CBR1: variants seen among roughly 807,000 people sequenced by gnomAD.
CBR1 encodes carbonyl reductase [NADPH] 1.
Under a neutral mutation model 10.6 loss-of-function variants are expected in CBR1, and 11 were observed. The ratio of observed to expected loss-of-function variants is 1.03; its 90% CI spans 0.65 to 1.71. The LOEUF (loss-of-function observed/expected upper bound fraction) is 1.71. Among genes scored for constraint, CBR1 ranks in the 40% most tolerant of loss-of-function variants. The pLI, the probability that CBR1 is intolerant of heterozygous loss-of-function variation, is 0.00. For missense variants in CBR1, 361 were observed against 368.6 expected, an observed-to-expected ratio of 0.98 and a Z score of 0.17; for synonymous variants, 158 against 156.7, an observed-to-expected ratio of 1.01 and a Z score of -0.06.
Position 36,070,872 on chromosome 21 carries a change from T to TGG in CBR1, c.290-78_290-77insGG. Reference sequence around the variant, plus strand: ...CACTAAGTTTTTTTTTTTTTTTTTTTTTTTTTTTAGTATCATTGTATAGAA... The same window carrying TGG: ...CACTAAGTTTTTTTTTTTTTTTTTTTGGTTTTTTTTAGTATCATTGTATAGAA... On this transcript the variant is annotated intron_variant, in intron 1 of 2. Coordinates refer to ENST00000290349, the MANE Select transcript of CBR1 (RefSeq NM_001757.4). 7 of 864,878 alleles carry TGG rather than the reference T, an allele frequency of 8.1e-6. 1 individual carries two copies. The South Asian group carries it at 9.0e-5, about 11-fold the overall frequency. 53.6% of individuals were successfully genotyped at this position (864,878 alleles called of 1,614,324 possible).
At position 36,073,054 on chromosome 21, in the gene CBR1, G is replaced by A. The variant is rs540101066; in HGVS notation, c.*172G>A. 1.3e-5 allele frequency: 6 copies of A among 465,500 alleles called. No homozygotes were observed. Among genetic ancestry groups the A allele is most frequent in the African/African-American group, 3.9e-5 (2 of 50,646 alleles). The allele number at this position is 465,500 out of a possible 1,614,324, so 28.8% of individuals were successfully genotyped here. ...GCAACCTACGCACTCAGTTGACTAC[G>A]TAAATCTGTCAGGTCTTTTGTGATT... On this transcript the variant is annotated 3_prime_UTR_variant, in exon 3 of 3. Transcript: ENST00000290349.
At chr21:36,071,588 A>C in intron 2 of CBR1, 1 of 576,716 alleles carries the variant, frequency 1.7e-6, no homozygotes. Flanking sequence ...CCTTTTCCCT[A>C]AGTCGTTTGG....
intron 2 of CBR1, chr21:36,071,357 C>A: frequency 3.3e-6 from 2 of 614,346 alleles, no homozygotes; most frequent in Non-Finnish European, 5.8e-6. Context: ...CTCCATTCCC[C>A]TCTGCGTGGG....
At chr21:36,071,109 C>T in intron 2 of CBR1, 52 bp downstream of exon 2, 1 of 1,228,952 alleles carries the variant, frequency 8.1e-7, no homozygotes, top group East Asian at 2.3e-5. Context: ...GATTTGGCCC[C>T]TGCTTGCCTG....
At position 36,072,470 on chromosome 21, in the gene CBR1, T is replaced by C. The variant is rs763204071; in HGVS notation, c.422T>C (p.Ile141Thr). Residue 141 changes from isoleucine (I) to threonine (T), a missense_variant, in exon 3 of 3, where the codon ATC becomes ACC. Ile to Thr is a moderately conservative substitution (Grantham distance 89). Transcript: ENST00000290349. ...PQGRVVNVSSIMSVRALKSCS... is the reference protein window; with the variant it reads ...PQGRVVNVSSTMSVRALKSCS... ...GGGAGAGTGGTGAACGTATCTAGCATCATGAGCGTCAGAGCCCTTAAAAGC... is the reference window on the plus strand; with the variant it reads ...GGGAGAGTGGTGAACGTATCTAGCACCATGAGCGTCAGAGCCCTTAAAAGC... The C allele has an allele frequency of 8.7e-6, 14 of 1,613,996 alleles. No individual in the cohort carries two copies. Among genetic ancestry groups the C allele is most frequent in the South Asian group, 2.2e-5 (2 of 91,086 alleles).
intron 2 of CBR1, 62 bp downstream of exon 2, chr21:36,071,119 G>GCAGGAGAAATCCCAGGCAA: frequency 1.8e-6 from 2 of 1,114,382 alleles, no homozygotes; most frequent in Non-Finnish European, 1.4e-6. Flanking sequence ...CTGCTTGCCT[G>GCAGGAGAAATCCCAGGCAA]GGATTTCTCC....
At chr21:36,070,477 A>G in intron 1 of CBR1, 73 bp downstream of exon 1, 1 of 1,442,062 alleles carries the variant, frequency 6.9e-7, no homozygotes, top group Non-Finnish European at 9.3e-7. Context: ...CGGGGTCCAT[A>G]ACGCCTCCCT....
rs763917680 is a variant in CBR1, at chr21:36,072,487, C to G, written c.439C>G (p.Leu147Val). 5.6e-6 allele frequency: 9 copies of G among 1,613,694 alleles called. No homozygotes were observed. The Admixed American group carries it at 1.5e-4, about 27-fold the overall frequency. The change falls in exon 3 of 3, where the codon CTT becomes GTT. Residue 147 changes from leucine (L) to valine (V), a missense_variant. Leu to Val is a conservative substitution (Grantham distance 32, BLOSUM62 1). Transcript: ENST00000290349. ...NVSSIMSVRA[L>V]KSCSPELQQK... is the part of the protein sequence containing the mutation. ...ATCTAGCATCATGAGCGTCAGAGCC[C>G]TTAAAAGCTGCAGCCCAGAGCTGCA... is the stretch of plus-strand genomic sequence containing the variant.
chr21:36,070,423 G>A lies in CBR1; in HGVS notation c.289+19G>A. The A allele has an allele frequency of 6.4e-7, 1 of 1,567,048 alleles. No individual in the cohort carries two copies. Among genetic ancestry groups the A allele is most frequent in the Non-Finnish European group, 8.7e-7 (1 of 1,156,048 alleles). ...TTCAAGGGTATGGGGAGGGGACGTGGCCTCCCCGAAGAAGAACCGATGCAC... is the reference window on the plus strand; with the variant it reads ...TTCAAGGGTATGGGGAGGGGACGTGACCTCCCCGAAGAAGAACCGATGCAC... On this transcript the variant is annotated intron_variant, in intron 1 of 2. Transcript: ENST00000290349.
intron 2 of CBR1, chr21:36,072,190 G>A: frequency 6.5e-7 from 1 of 1,550,376 alleles, no homozygotes; most frequent in Non-Finnish European, 8.7e-7. Context: ...TACTTCTAAG[G>A]CTCTGGTTCA....
chr21:36,071,137 T>A, intron 2 of CBR1, 80 bp downstream of exon 2: 1 of 904,616 alleles, frequency 1.1e-6, no homozygotes, highest in Non-Finnish European at 1.9e-6. Flanking sequence ...TCCTGCAGGC[T>A]CCTGCTTCCT....
At chr21:36,070,549 T>C (rs532685207) in intron 1 of CBR1, 145 bp downstream of exon 1, 14 of 765,722 alleles carry the variant, frequency 1.8e-5, no homozygotes, top group East Asian at 1.5e-4. Context: ...AAAGTGAGAG[T>C]TTTCCAGCCA....
intron 2 of CBR1, chr21:36,071,472 G>C: frequency 1.7e-6 from 1 of 572,060 alleles, no homozygotes; most frequent in East Asian, 2.9e-5. Flanking sequence ...CCTGTCACCT[G>C]TCTGAAACAC....
intron 2 of CBR1, chr21:36,072,106 T>C (rs2065355789): frequency 2.7e-6 from 4 of 1,502,016 alleles, no homozygotes; most frequent in Admixed American, 4.4e-5. Flanking sequence ...TGGCTTCGAG[T>C]TGGGTACTTG....
chr21:36,070,858 T>G (rs1171816148), intron 1 of CBR1, 92 bp from the exon 2 acceptor site: 7 of 590,276 alleles, frequency 1.2e-5, no homozygotes, highest in Non-Finnish European at 1.1e-5. Flanking sequence ...ACTAAGTTTT[T>G]TTTTTTTTTT....
intron 2 of CBR1, chr21:36,071,789 A>G: frequency 6.7e-7 from 1 of 1,492,586 alleles, no homozygotes; most frequent in Non-Finnish European, 9.0e-7. Context: ...TCTGGTCTTG[A>G]GTCTTTTCCT....
At chr21:36,071,497 A>G (rs1035686450) in intron 2 of CBR1, 1 of 559,182 alleles carries the variant, frequency 1.8e-6, no homozygotes, top group Non-Finnish European at 3.2e-6. Context: ...TAAGCTCCCA[A>G]CCACATGGTT....
rs77573804 is a variant in CBR1 at position 36,070,098 on chromosome 21, C to T, written c.-18C>T. 383 of 1,483,316 alleles carry T rather than the reference C, an allele frequency of 2.6e-4. 2 individuals carry two copies. The East Asian group carries it at 5.8e-3, about 22-fold the overall frequency. The allele number at this position is 1,483,316 out of a possible 1,614,324, so 91.9% of individuals were successfully genotyped here. On this transcript the variant is annotated 5_prime_UTR_variant, in exon 1 of 3. Transcript: ENST00000290349. The stretch of plus-strand genomic sequence containing the variant: ...AGGTCTGTTCTCCACGCAGGTGTTC[C>T]GCGCGCCCCGTTCAGCCATGTCGTC...
chr21:36,070,330 C>A lies in CBR1; in HGVS notation c.215C>A (p.Ala72Asp). 2 of 1,613,316 alleles carry A rather than the reference C, an allele frequency of 1.2e-6. No individual in the cohort carries two copies. Among genetic ancestry groups the A allele is most frequent in the Non-Finnish European group, 1.7e-6 (2 of 1,179,962 alleles). Residue 72 changes from alanine to aspartate, a missense_variant, in exon 1 of 3, where the codon GCC becomes GAC. Ala to Asp is a moderately radical substitution (Grantham distance 126). Coordinates refer to ENST00000290349, the MANE Select transcript of CBR1 (RefSeq NM_001757.4). The part of the protein sequence containing the change: ...LDIDDLQSIR[A>D]LRDFLRKEYG... ...ATCGACGATCTGCAGAGCATCCGCG[C>A]CCTGCGCGACTTCCTGCGCAAGGAG...
Sources: gnomAD v4.1 joint callset for allele counts on GRCh38, gnomAD v4.1.1 for gene constraint, MANE v1.5 for transcripts, NCBI Gene and HGNC (gene_info 2026-07-23, HGNC 2026-07-21) for gene names.